The following NCALD variants were observed in gnomAD, a reference collection of about 807,000 sequenced individuals.
The protein encoded by NCALD is neurocalcin delta.
Under a neutral mutation model 18.6 loss-of-function variants are expected in NCALD, and 10 were observed. The ratio of observed to expected loss-of-function variants is 0.54; its 90% confidence interval spans 0.33 to 0.91. The LOEUF is 0.91. NCALD is among the 40% of genes least tolerant of loss of function. NCALD has a pLI of 0.03. For synonymous variants in NCALD, 88 were observed against 87.4 expected (o/e 1.01, Z -0.04); for missense variants, 184 against 247.6 (o/e 0.74, Z 1.72).
intron 1 of NCALD, among the ~76,000 whole-genome samples, chr8:102,108,055 AG>A (rs1825528619): frequency 6.6e-6 from 1 of 152,090 alleles, no homozygotes; most frequent in Admixed American, 6.5e-5. Context: ...GGCAAAAAGC[AG>A]GAACTAGAGG....
chr8:101,877,507 T>C (rs2131437094), intron 4 of NCALD, among the ~76,000 whole-genome samples: 1 of 152,360 alleles, frequency 6.6e-6, no homozygotes, highest in East Asian at 1.9e-4. Flanking sequence ...ATTCTGCATT[T>C]CTCAGCTACT....
intron 1 of NCALD, among the ~76,000 whole-genome samples, chr8:102,033,252 C>T (rs1176601790): frequency 1.3e-5 from 2 of 152,130 alleles, no homozygotes; most frequent in East Asian, 3.9e-4. Context: ...AAGCAGCTAA[C>T]CTGGTAGAAT....
At chr8:101,924,022 C>T (rs1343052757) in intron 2 of NCALD, among the ~76,000 whole-genome samples, 2 of 152,086 alleles carry the variant, frequency 1.3e-5, no homozygotes, top group Non-Finnish European at 2.9e-5. Context: ...TCCCATCATC[C>T]AGGCCATAAG....
intron 1 of NCALD, among the ~76,000 whole-genome samples, chr8:102,049,656 C>A (rs1477765451): frequency 4.6e-5 from 7 of 152,130 alleles, no homozygotes; most frequent in African/African-American, 1.4e-4. Flanking sequence ...GCATTCCCAC[C>A]AGAAATGAAT....
chr8:101,743,718 C>T (rs1810308839), intron 1 of NCALD, among the ~76,000 whole-genome samples: 1 of 152,134 alleles, frequency 6.6e-6, no homozygotes, highest in Non-Finnish European at 1.5e-5. Flanking sequence ...TGACAATAAA[C>T]CAATCTCTTC....
At position 102,079,479 on chromosome 8, in the gene NCALD, C is replaced by A. The variant is rs186428646; in HGVS notation, c.-210+44758G>T. ...AATTTGCAAATAGGAAGGATGAGCA[C>A]CTCCTGTCATGGAACATGATCTCTA... On this transcript the variant is annotated intron_variant, in intron 1 of 6. Coordinates refer to the NCALD transcript ENST00000311028. Among the ~76,000 whole-genome samples, 10 of 152,302 alleles carry A rather than the reference C, an allele frequency of 6.6e-5. No individual in the cohort carries two copies. The East Asian group carries it at 1.3e-3, about 21-fold the overall frequency.
chr8:102,008,873 A>C, intron 2 of NCALD, among the ~76,000 whole-genome samples: 1 of 146,920 alleles, frequency 6.8e-6, no homozygotes, highest in Admixed American at 6.8e-5. Context: ...GTTTATCTGA[A>C]TTCCCAAGCC....
Position 101,689,067 on chromosome 8 carries a change from C to A in NCALD, c.*242G>T. The A allele has an allele frequency of 2.8e-6, 2 of 702,586 alleles. No individual in the cohort carries two copies. The highest frequency in any genetic ancestry group is 5.2e-6 in the Non-Finnish European group (2 of 384,976). 43.5% of individuals were successfully genotyped at this position (702,586 alleles called of 1,614,324 possible). On this transcript the variant is annotated 3_prime_UTR_variant, in exon 4 of 4. Transcript: ENST00000220931. The surrounding 1 kb of genome is among the most constrained non-coding windows in gnomAD (Gnocchi z 4.4). The stretch of plus-strand genomic sequence containing the variant: ...AAAAATAATAGTAACGATTAAAAAT[C>A]ATCAAACAATGAACACCACGAAGTC...
At chr8:101,891,986 A>C (rs1324689365) in intron 3 of NCALD, among the ~76,000 whole-genome samples, 1 of 152,332 alleles carries the variant, frequency 6.6e-6, no homozygotes, top group African/African-American at 2.4e-5. Flanking sequence ...AGCAGCCAGG[A>C]AGCTCGAACT....
chr8:102,115,150 C>G (rs1218546670), intron 1 of NCALD, among the ~76,000 whole-genome samples: 1 of 152,222 alleles, frequency 6.6e-6, no homozygotes, highest in African/African-American at 2.4e-5. Context: ...TAGTTGGTCC[C>G]CTGCAAGGCA....
At chr8:101,771,748 C>T (rs1407959209) in intron 1 of NCALD, among the ~76,000 whole-genome samples, 2 of 152,100 alleles carry the variant, frequency 1.3e-5, no homozygotes, top group African/African-American at 4.8e-5. Flanking sequence ...CAATTTATGC[C>T]TTATTATTCT....
At chr8:101,902,969 C>G (rs1049225835) in intron 3 of NCALD, among the ~76,000 whole-genome samples, 18 of 152,232 alleles carry the variant, frequency 1.2e-4, no homozygotes, top group Middle Eastern at 3.4e-3. Context: ...TTCTTCTCTG[C>G]AAGGCAGGGG....
intron 1 of NCALD, among the ~76,000 whole-genome samples, chr8:101,750,871 G>A (rs1165474019): frequency 6.6e-6 from 1 of 152,146 alleles, no homozygotes; most frequent in East Asian, 1.9e-4. Context: ...ACTCTAAAGA[G>A]GTCTCCACCT....
intron 1 of NCALD, among the ~76,000 whole-genome samples, chr8:102,105,160 A>T (rs1443797781): frequency 6.6e-6 from 1 of 152,204 alleles, no homozygotes; most frequent in Non-Finnish European, 1.5e-5. Context: ...TTTTTTTCTA[A>T]GCCGCTTTGA....
chr8:102,024,864 A>T (rs539002717), intron 1 of NCALD, among the ~76,000 whole-genome samples: 3 of 152,280 alleles, frequency 2.0e-5, no homozygotes, highest in East Asian at 3.9e-4. Flanking sequence ...TTCTAAGAAG[A>T]ACTCAAAATT....
At chr8:101,844,504 C>T (rs964533697) in intron 4 of NCALD, among the ~76,000 whole-genome samples, 7 of 152,010 alleles carry the variant, frequency 4.6e-5, no homozygotes, top group African/African-American at 1.7e-4. Flanking sequence ...AGATTACACA[C>T]ACACACCATC....
chr8:101,707,207 G>C (rs1815570013), intron 2 of NCALD, among the ~76,000 whole-genome samples: 1 of 152,160 alleles, frequency 6.6e-6, no homozygotes, highest in Non-Finnish European at 1.5e-5. Context: ...TGTCTATTTA[G>C]AACAGTCTTT....
chr8:101,842,280 A>T (rs1814675665), intron 4 of NCALD, among the ~76,000 whole-genome samples: 1 of 152,198 alleles, frequency 6.6e-6, no homozygotes, highest in Non-Finnish European at 1.5e-5. Flanking sequence ...TTAGGACTTC[A>T]ACTTATGAAT....
At chr8:101,733,502 A>T (rs970693180) in intron 1 of NCALD, among the ~76,000 whole-genome samples, 2 of 152,054 alleles carry the variant, frequency 1.3e-5, no homozygotes, top group Non-Finnish European at 2.9e-5. Flanking sequence ...AGGGGGGAAA[A>T]TTCATTTTTC....
Sources: gnomAD v4.1 joint callset for allele counts (sites outside exome capture counted in the v4.1 genomes callset) on GRCh38, gnomAD v4.1.1 for gene constraint, Gnocchi (gnomAD v3.1) non-coding constraint, MANE v1.5 for transcripts, NCBI Gene and HGNC (gene_info 2026-07-23, HGNC 2026-07-21) for gene names.